The following PITPNC1 variants were observed in gnomAD, a reference collection of about 807,000 sequenced individuals.
PITPNC1 encodes phosphatidylinositol transfer protein cytoplasmic 1.
PITPNC1 carries 18 observed loss-of-function variants against 44.7 expected under a neutral mutation model. That is an observed-to-expected ratio of 0.40 (90% CI 0.28 to 0.60). The LOEUF (loss-of-function observed/expected upper bound fraction) is 0.60, where lower values mean the gene tolerates loss of function less well. PITPNC1 is among the 20% of genes least tolerant of loss of function. The pLI, the probability that PITPNC1 is intolerant of heterozygous loss-of-function variation, is 0.39. For synonymous variants in PITPNC1, 141 were observed against 149.6 expected (o/e 0.94, Z 0.42); for missense variants, 290 against 418.4 (o/e 0.69, Z 2.68).
At chr17:67,645,847 G>A (rs1277844610) in intron 6 of PITPNC1, among the ~76,000 whole-genome samples, 6 of 152,136 alleles carry the variant, frequency 3.9e-5, no homozygotes, top group African/African-American at 9.7e-5. Context: ...ACTCTAGGCC[G>A]GCTGTGATTG....
intron 5 of PITPNC1, chr17:67,613,778 G>A (rs2144297964): frequency 6.7e-6 from 1 of 149,506 alleles, no homozygotes; most frequent in East Asian, 2.0e-4. Flanking sequence ...AGCTGAGATG[G>A]TACCACTGCA....
intron 8 of PITPNC1, chr17:67,687,074 A>G (rs766629533): frequency 1.3e-6 from 2 of 1,598,694 alleles, no homozygotes; most frequent in South Asian, 1.1e-5. Context: ...AGATATGACA[A>G]TGGATGATGT....
At chr17:67,424,844 G>A (rs1319295408) in intron 1 of PITPNC1, among the ~76,000 whole-genome samples, 1 of 151,952 alleles carries the variant, frequency 6.6e-6, no homozygotes, top group Non-Finnish European at 1.5e-5. Flanking sequence ...AGCTAAGCAT[G>A]TGACCTTCGT....
chr17:67,589,968 A>AAAAGG (rs960895558), intron 5 of PITPNC1, among the ~76,000 whole-genome samples: 10 of 151,976 alleles, frequency 6.6e-5, no homozygotes, highest in East Asian at 1.9e-4. Context: ...ACTCTGTCTC[A>AAAAGG]AAAGGAAAGG....
intron 1 of PITPNC1, among the ~76,000 whole-genome samples, chr17:67,382,193 A>G (rs887422019): frequency 6.6e-6 from 1 of 152,216 alleles, no homozygotes; most frequent in Non-Finnish European, 1.5e-5. Flanking sequence ...TTGACTTGCT[A>G]TAGACGGTAC....
At chr17:67,436,308 G>A (rs890671166) in intron 1 of PITPNC1, among the ~76,000 whole-genome samples, 2 of 152,046 alleles carry the variant, frequency 1.3e-5, no homozygotes, top group African/African-American at 4.8e-5. Context: ...CTGGCTGGGG[G>A]TGCTATTTTA....
chr17:67,435,502 T>C lies in PITPNC1; in HGVS notation c.48+57300T>C, dbSNP rs543243445. ...CCAATGAGACAAACTCCTGCCCCCA[T>C]GGGGCTGACATTGTGCTGGGGGAGA... On this transcript the variant is annotated intron_variant, in intron 1 of 8. Coordinates refer to ENST00000581322, the MANE Select transcript of PITPNC1 (RefSeq NM_012417.4). Among the ~76,000 whole-genome samples, 9 of 152,322 alleles carry C rather than the reference T, an allele frequency of 5.9e-5. No individual in the cohort carries two copies. The South Asian group carries it at 1.9e-3, about 32-fold the overall frequency.
rs536584409 is a variant in PITPNC1 at position 67,586,625 on chromosome 17, C to T, written c.366+8368C>T. Among the ~76,000 whole-genome samples the T allele has an allele frequency of 3.3e-5, 5 of 151,922 alleles. No individual in the cohort carries two copies. In the East Asian group the frequency reaches 7.8e-4, roughly 24 times the overall value. On this transcript the variant is annotated intron_variant, in intron 5 of 8. Transcript: ENST00000581322. ...AAAAAAAAAATGTATACTAAACTTG[C>T]GAAGATTGTGCACAGGGTTCTCAAA...
intron 5 of PITPNC1, chr17:67,611,889 C>T (rs1460485662): frequency 6.6e-6 from 1 of 152,118 alleles, no homozygotes; most frequent in African/African-American, 2.4e-5. Flanking sequence ...CCTTTCTTGG[C>T]GTGTAAGTGA....
chr17:67,691,851 C>CA (rs768837851), intron 8 of PITPNC1, among the ~76,000 whole-genome samples: 21 of 151,818 alleles, frequency 1.4e-4, no homozygotes, highest in Non-Finnish European at 2.2e-4. Flanking sequence ...ACAGAAAATA[C>CA]AAAAAAATTA....
At chr17:67,690,654 C>T (rs566146861) in intron 8 of PITPNC1, among the ~76,000 whole-genome samples, 15 of 152,144 alleles carry the variant, frequency 9.9e-5, no homozygotes, top group African/African-American at 3.6e-4. Flanking sequence ...AAAACAGATA[C>T]AGAAAATCCG....
chr17:67,650,551 C>T (rs564253455), intron 6 of PITPNC1, among the ~76,000 whole-genome samples: 2 of 142,194 alleles, frequency 1.4e-5, no homozygotes, highest in African/African-American at 2.7e-5. Context: ...CGGGTTTAAG[C>T]GATTCTCCTG....
At chr17:67,496,044 A>G (rs1442201067) in intron 1 of PITPNC1, among the ~76,000 whole-genome samples, 1 of 152,222 alleles carries the variant, frequency 6.6e-6, no homozygotes, top group African/African-American at 2.4e-5. Context: ...ATTCCAAAAT[A>G]CAAAGGAGTT....
intron 8 of PITPNC1, among the ~76,000 whole-genome samples, chr17:67,675,988 C>T (rs1204972968): frequency 3.9e-5 from 6 of 152,134 alleles, no homozygotes; most frequent in Non-Finnish European, 7.4e-5. Flanking sequence ...GGGCAGATCA[C>T]GAGGTCAGGA....
intron 1 of PITPNC1, among the ~76,000 whole-genome samples, chr17:67,397,026 G>A (rs1053314905): frequency 2.6e-5 from 4 of 151,960 alleles, no homozygotes; most frequent in African/African-American, 9.7e-5. Context: ...TATCCCCTAG[G>A]CTGGAGTGCG....
chr17:67,539,585 T>TC (rs1245574697), intron 2 of PITPNC1, among the ~76,000 whole-genome samples: 2 of 152,176 alleles, frequency 1.3e-5, no homozygotes, highest in African/African-American at 4.8e-5. Context: ...ACGCCTGTAA[T>TC]CCCAGCACTT....
At chr17:67,539,917 A>G (rs1249912522) in intron 2 of PITPNC1, among the ~76,000 whole-genome samples, 1 of 152,200 alleles carries the variant, frequency 6.6e-6, no homozygotes, top group East Asian at 1.9e-4. Context: ...TACAATATGC[A>G]TAATATTACT....
At chr17:67,571,723 A>G (rs1017955597) in intron 4 of PITPNC1, among the ~76,000 whole-genome samples, 2 of 152,236 alleles carry the variant, frequency 1.3e-5, no homozygotes, top group Admixed American at 1.3e-4. Context: ...CTTGGGTCCT[A>G]TCCACGTGGC....
At chr17:67,489,686 C>T (rs1167306492) in intron 1 of PITPNC1, among the ~76,000 whole-genome samples, 1 of 152,202 alleles carries the variant, frequency 6.6e-6, no homozygotes, top group African/African-American at 2.4e-5. Context: ...AATTACTGAA[C>T]CCGAACCTTT....
Sources: gnomAD v4.1 joint callset for allele counts (sites outside exome capture counted in the v4.1 genomes callset) on GRCh38, gnomAD v4.1.1 for gene constraint, MANE v1.5 for transcripts, NCBI Gene and HGNC (gene_info 2026-07-23, HGNC 2026-07-21) for gene names.